CCDC85A: variants seen among roughly 807,000 people sequenced by gnomAD.
CCDC85A encodes coiled-coil domain containing 85A.
A neutral mutation model predicts 50.2 loss-of-function variants in CCDC85A; 38 were observed. The ratio of observed to expected loss-of-function variants is 0.76; its 90% CI spans 0.58 to 0.99. The LOEUF is 0.99. Ranked by LOEUF, CCDC85A falls within the 50% of genes least tolerant of loss-of-function variation. The pLI is 0.00. For synonymous variants in CCDC85A, 366 were observed against 301.4 expected, an observed-to-expected ratio of 1.21 and a Z score of -2.22; for missense variants, 820 against 742.0, an observed-to-expected ratio of 1.11 and a Z score of -1.22.
At chr2:56,335,436 C>T (rs962601085) in intron 2 of CCDC85A, among the ~76,000 whole-genome samples, 1 of 152,028 alleles carries the variant, frequency 6.6e-6, no homozygotes, top group Non-Finnish European at 1.5e-5. Flanking sequence ...CTTTTTGCTA[C>T]TATAACAGAA....
intron 5 of CCDC85A, among the ~76,000 whole-genome samples, chr2:56,383,030 A>T (rs1273672347): frequency 6.6e-6 from 1 of 151,992 alleles, no homozygotes; most frequent in South Asian, 2.1e-4. Context: ...ATTGCTATAT[A>T]TTAATAATTC....
chr2:56,231,368 C>A (rs1668765380), intron 2 of CCDC85A, among the ~76,000 whole-genome samples: 1 of 152,146 alleles, frequency 6.6e-6, no homozygotes, highest in Admixed American at 6.5e-5. Flanking sequence ...CTAACAGTGT[C>A]CCTTATAGAA....
chr2:56,315,303 A>T (rs1056016421), intron 2 of CCDC85A, among the ~76,000 whole-genome samples: 1 of 152,154 alleles, frequency 6.6e-6, no homozygotes, highest in African/African-American at 2.4e-5. Context: ...ATAAATAACT[A>T]AAGAACAGCT....
intron 2 of CCDC85A, among the ~76,000 whole-genome samples, chr2:56,304,967 G>T (rs1438003300): frequency 6.6e-6 from 1 of 151,606 alleles, no homozygotes; most frequent in Non-Finnish European, 1.5e-5. Context: ...CCTGGGCGTG[G>T]TGGTGTGCAC....
intron 2 of CCDC85A, among the ~76,000 whole-genome samples, chr2:56,265,003 A>AG: frequency 6.6e-6 from 1 of 152,306 alleles, no homozygotes; most frequent in South Asian, 2.1e-4. Context: ...AAAATAACAC[A>AG]GTAACAACAG....
chr2:56,199,276 G>T (rs1018942568), intron 2 of CCDC85A, among the ~76,000 whole-genome samples: 5 of 152,162 alleles, frequency 3.3e-5, no homozygotes, highest in African/African-American at 4.8e-5. Flanking sequence ...GAATGTGTAG[G>T]GCTATACAGT....
chr2:56,376,079 T>A, intron 5 of CCDC85A, 144 bp downstream of exon 5: 1 of 848,460 alleles, frequency 1.2e-6, no homozygotes, highest in Middle Eastern at 2.6e-4. Context: ...TAAATCTTAA[T>A]TTTTGAAGTA....
At chr2:56,276,219 A>T (rs540707695) in intron 2 of CCDC85A, among the ~76,000 whole-genome samples, 2 of 152,106 alleles carry the variant, frequency 1.3e-5, no homozygotes, top group Non-Finnish European at 2.9e-5. Context: ...GAATATGGCA[A>T]TTTCAGGATT....
chr2:56,381,529 C>G (rs946012121), intron 5 of CCDC85A, among the ~76,000 whole-genome samples: 5 of 152,018 alleles, frequency 3.3e-5, no homozygotes, highest in African/African-American at 1.2e-4. Flanking sequence ...AGAACCCGAA[C>G]ACTCTAATTC....
upstream of CCDC85A, chr2:56,183,921 G>A (rs1360317459): frequency 2.0e-6 from 2 of 985,284 alleles, no homozygotes; most frequent in African/African-American, 3.5e-5. Context: ...GCCCATGCGG[G>A]AGCTGCTGCG....
chr2:56,282,202 C>A (rs1453568419), intron 2 of CCDC85A, among the ~76,000 whole-genome samples: 1 of 152,068 alleles, frequency 6.6e-6, no homozygotes, highest in South Asian at 2.1e-4. Context: ...ACCTTGGCAC[C>A]CTTGTCAAAG....
chr2:56,323,503 G>T (rs1213800342), intron 2 of CCDC85A, among the ~76,000 whole-genome samples: 1 of 151,914 alleles, frequency 6.6e-6, no homozygotes, highest in African/African-American at 2.4e-5. Flanking sequence ...ATGACAGAAA[G>T]TTTCTGACCC....
At chr2:56,311,808 C>T (rs1209594769) in intron 2 of CCDC85A, among the ~76,000 whole-genome samples, 1 of 152,110 alleles carries the variant, frequency 6.6e-6, no homozygotes, top group Non-Finnish European at 1.5e-5. Context: ...ACCATCGGTG[C>T]AGGGATTCAG....
chr2:56,317,110 A>T (rs911374289), intron 2 of CCDC85A, among the ~76,000 whole-genome samples: 1 of 152,102 alleles, frequency 6.6e-6, no homozygotes. Context: ...GGCAAAGTGG[A>T]AGATTTTTCT....
intron 2 of CCDC85A, among the ~76,000 whole-genome samples, chr2:56,242,018 C>T (rs1669280012): frequency 6.6e-6 from 1 of 152,214 alleles, no homozygotes; most frequent in East Asian, 1.9e-4. Flanking sequence ...GGATAAAAGC[C>T]ATTTTAAATA....
At chr2:56,186,935 T>TG (rs2103807759) in intron 1 of CCDC85A, among the ~76,000 whole-genome samples, 1 of 152,280 alleles carries the variant, frequency 6.6e-6, no homozygotes, top group Non-Finnish European at 1.5e-5. Flanking sequence ...TCAGAAATGA[T>TG]GGGGGCAGGT....
chr2:56,217,871 G>T (rs1045604948), intron 2 of CCDC85A, among the ~76,000 whole-genome samples: 2 of 151,692 alleles, frequency 1.3e-5, no homozygotes, highest in Non-Finnish European at 2.9e-5. Flanking sequence ...TTTTTTGTTA[G>T]TCATAATTAT....
At chr2:56,251,337 G>C (rs765474645) in intron 2 of CCDC85A, among the ~76,000 whole-genome samples, 13 of 152,198 alleles carry the variant, frequency 8.5e-5, no homozygotes, top group Non-Finnish European at 1.3e-4. Context: ...ATCTGAAAAT[G>C]TTGGGCCCAT....
At chr2:56,313,889 G>T (rs567217300) in intron 2 of CCDC85A, among the ~76,000 whole-genome samples, 2 of 151,956 alleles carry the variant, frequency 1.3e-5, no homozygotes, top group Non-Finnish European at 2.9e-5. Flanking sequence ...TAGTCAGATA[G>T]TCAGGGCTGG....
Sources: allele counts gnomAD v4.1 joint callset (sites outside exome capture counted in the v4.1 genomes callset), GRCh38; gene constraint gnomAD v4.1.1; transcripts MANE v1.5; gene names NCBI Gene and HGNC (gene_info 2026-07-23, HGNC 2026-07-21).